KIAA1549L: variants seen among roughly 807,000 people sequenced by gnomAD.
KIAA1549L encodes the protein UPF0606 protein KIAA1549L.
A neutral mutation model predicts 160.7 loss-of-function variants in KIAA1549L; 88 were observed. The observed-to-expected ratio is 0.55, with a 90% CI of 0.46 to 0.65. The LOEUF (loss-of-function observed/expected upper bound fraction) is 0.65. Ranked by LOEUF, KIAA1549L falls within the 30% of genes least tolerant of loss-of-function variation. The pLI, the probability that KIAA1549L is intolerant of heterozygous loss-of-function variation, is 0.00. For missense variants in KIAA1549L, 2,258 were observed against 2,437.5 expected (o/e 0.93, Z 1.55); for synonymous variants, 950 against 976.7 (o/e 0.97, Z 0.51).
At chr11:33,560,742 T>G (rs920018029) in intron 7 of KIAA1549L, among the ~76,000 whole-genome samples, 10 of 152,222 alleles carry the variant, frequency 6.6e-5, no homozygotes, top group Non-Finnish European at 1.5e-4. Flanking sequence ...TTAGCAAAAT[T>G]GTCTCATAAT....
Position 33,542,603 on chromosome 11 carries a change from C to A in KIAA1549L, c.1040C>A (p.Pro347His). ...AGSSTPGFLS[P>H]MAELSHPSPP... is the part of the protein sequence containing the mutation. ...TCATCCACACCTGGGTTTTTGAGCC[C>A]CATGGCAGAACTGTCCCATCCGTCT... The change falls in exon 2 of 21, where the codon CCC becomes CAC. Residue 347 changes from proline (P) to histidine (H), a missense_variant. Pro to His is a moderately conservative substitution (Grantham distance 77). Around this residue, in one of 6 missense-constraint regions of KIAA1549L, gnomAD observed 540 missense variants for 465.7 expected, o/e 1.16. Coordinates refer to ENST00000658780, the MANE Select transcript of KIAA1549L (RefSeq NM_012194.3). 6.2e-7 allele frequency: 1 copy of A among 1,613,982 alleles called. No individual in the cohort carries two copies. The highest frequency in any genetic ancestry group is 8.5e-7 in the Non-Finnish European group (1 of 1,179,866).
intron 15 of KIAA1549L, among the ~76,000 whole-genome samples, chr11:33,617,789 G>GTGGATGGATGGATGGATGGA (rs200551250): frequency 1.3e-4 from 20 of 149,040 alleles, no homozygotes; most frequent in African/African-American, 4.7e-4. Flanking sequence ...GGAAGCCTCG[G>GTGGATGGATGGATGGATGGA]TGGATGGATG....
intron 1 of KIAA1549L, among the ~76,000 whole-genome samples, chr11:33,470,994 A>AT (rs892719313): frequency 5.8e-4 from 88 of 151,498 alleles, no homozygotes; most frequent in African/African-American, 1.8e-3. Context: ...AGTTTCTTGC[A>AT]TTTTTTTTAA....
intron 1 of KIAA1549L, among the ~76,000 whole-genome samples, chr11:33,533,528 A>G (rs969303448): frequency 3.9e-5 from 6 of 152,236 alleles, no homozygotes; most frequent in African/African-American, 1.4e-4. Context: ...AAGCACAGAA[A>G]AACATTTGAT....
chr11:33,589,381 T>A (rs1339199740), intron 11 of KIAA1549L, among the ~76,000 whole-genome samples: 1 of 152,160 alleles, frequency 6.6e-6, no homozygotes, highest in African/African-American at 2.4e-5. Flanking sequence ...GAACTAGAAA[T>A]ACCATTTGAC....
chr11:33,426,834 C>T (rs1350142386), intron 1 of KIAA1549L, among the ~76,000 whole-genome samples: 1 of 152,172 alleles, frequency 6.6e-6, no homozygotes, highest in African/African-American at 2.4e-5. Context: ...GGGTGCTCCC[C>T]TGAGGGCCTC....
At chr11:33,505,990 T>C (rs1853077224) in intron 1 of KIAA1549L, among the ~76,000 whole-genome samples, 1 of 152,222 alleles carries the variant, frequency 6.6e-6, no homozygotes, top group Admixed American at 6.5e-5. Flanking sequence ...TACCATAATC[T>C]TGTGAGTTGT....
intron 17 of KIAA1549L, among the ~76,000 whole-genome samples, chr11:33,649,170 C>G (rs12271453): frequency 6.6e-6 from 1 of 152,074 alleles, no homozygotes; most frequent in African/African-American, 2.4e-5. Context: ...CTTCCAGGCT[C>G]TGATGAGAAC....
At chr11:33,456,568 C>G (rs911044825) in intron 1 of KIAA1549L, among the ~76,000 whole-genome samples, 3 of 151,946 alleles carry the variant, frequency 2.0e-5, no homozygotes, top group African/African-American at 7.3e-5. Context: ...GAGCCACCAC[C>G]CCTGGTCAAT....
chr11:33,594,921 A>G (rs1850159049), intron 12 of KIAA1549L, among the ~76,000 whole-genome samples: 2 of 152,242 alleles, frequency 1.3e-5, no homozygotes, highest in Non-Finnish European at 2.9e-5. Context: ...ACAAAGGCTT[A>G]TTAATAACTT....
At chr11:33,517,635 A>G (rs994211304) in intron 1 of KIAA1549L, among the ~76,000 whole-genome samples, 2 of 152,304 alleles carry the variant, frequency 1.3e-5, no homozygotes, top group Middle Eastern at 3.4e-3. Context: ...TCAAAATGTT[A>G]TAAGTTAATA....
chr11:33,402,556 A>C (rs1372087529), intron 1 of KIAA1549L, among the ~76,000 whole-genome samples: 4 of 152,200 alleles, frequency 2.6e-5, no homozygotes, highest in African/African-American at 9.6e-5. Flanking sequence ...ATCTGTGTCC[A>C]TCTCACAGAT....
At chr11:33,520,120 T>C (rs1853444948) in intron 1 of KIAA1549L, among the ~76,000 whole-genome samples, 2 of 152,084 alleles carry the variant, frequency 1.3e-5, no homozygotes, top group Admixed American at 6.6e-5. Flanking sequence ...TCTCCCTTCC[T>C]TTTTTTTCCT....
chr11:33,658,745 T>G lies in KIAA1549L; in HGVS notation c.5859-5T>G. On this transcript the variant is annotated splice_polypyrimidine_tract_variant and splice_region_variant and intron_variant, in intron 18 of 20. Coordinates refer to ENST00000658780, the MANE Select transcript of KIAA1549L (RefSeq NM_012194.3). ...GTGCTAACGCAGTCCCTCTGCCCCA[T>G]CTAGATCCACCTCAGACATCGGCAG... The G allele has an allele frequency of 3.8e-6, 6 of 1,571,404 alleles. No homozygotes were observed. The highest frequency in any genetic ancestry group is 5.2e-6 in the Non-Finnish European group (6 of 1,159,108).
intron 1 of KIAA1549L, among the ~76,000 whole-genome samples, chr11:33,384,337 T>C (rs1850130546): frequency 6.6e-6 from 1 of 152,268 alleles, no homozygotes; most frequent in Non-Finnish European, 1.5e-5. Flanking sequence ...CAGAATAGTA[T>C]TCCATTGCAC....
intron 20 of KIAA1549L, among the ~76,000 whole-genome samples, chr11:33,661,250 G>A (rs897058141): frequency 2.0e-5 from 3 of 152,162 alleles, no homozygotes; most frequent in Non-Finnish European, 4.4e-5. Context: ...CTAGCAGGAC[G>A]ACCTTAATCA....
chr11:33,612,207 G>A (rs1850665290), intron 15 of KIAA1549L, among the ~76,000 whole-genome samples: 1 of 152,222 alleles, frequency 6.6e-6, no homozygotes, highest in Non-Finnish European at 1.5e-5. Flanking sequence ...GACAACCTCG[G>A]TAAGCTCAGA....
At chr11:33,495,417 A>G (rs561229169) in intron 1 of KIAA1549L, among the ~76,000 whole-genome samples, 2 of 151,634 alleles carry the variant, frequency 1.3e-5, no homozygotes, top group Non-Finnish European at 1.5e-5. Flanking sequence ...GAGAATGATG[A>G]TTTCCAATTT....
At chr11:33,531,503 A>G (rs1853772334) in intron 1 of KIAA1549L, among the ~76,000 whole-genome samples, 1 of 152,180 alleles carries the variant, frequency 6.6e-6, no homozygotes, top group Non-Finnish European at 1.5e-5. Context: ...TAAAATGGGG[A>G]GGGAGAGGTA....
Sources: gnomAD v4.1 joint callset for allele counts (sites outside exome capture counted in the v4.1 genomes callset) on GRCh38, gnomAD v4.1.1 for gene constraint, gnomAD v4.1.1 regional missense constraint, MANE v1.5 for transcripts, NCBI Gene and HGNC (gene_info 2026-07-23, HGNC 2026-07-21) for gene names.